The following LRIF1 variants were observed in gnomAD, a reference collection of about 807,000 sequenced individuals.
LRIF1 encodes ligand-dependent nuclear receptor-interacting factor 1.
In LRIF1, 32 loss-of-function variants were observed where a neutral mutation model predicts 52.7. The observed-to-expected ratio is 0.61, with a 90% confidence interval of 0.46 to 0.82. The LOEUF (loss-of-function observed/expected upper bound fraction) is 0.82, where lower values mean the gene tolerates loss of function less well. LRIF1 is among the 40% of genes least tolerant of loss of function. The pLI is 0.00. For missense variants in LRIF1, 887 were observed against 892.0 expected, an observed-to-expected ratio of 0.99 and a Z score of 0.07; for synonymous variants, 323 against 317.4, an observed-to-expected ratio of 1.02 and a Z score of -0.19.
rs1453113017 is a variant in LRIF1, at chr1:110,951,929, T to C, written c.955A>G (p.Lys319Glu). The C allele has an allele frequency of 2.5e-6, 4 of 1,614,014 alleles. No homozygotes were observed. The East Asian group carries it at 6.7e-5, about 27-fold the overall frequency. ...AAATTTTTCCTATCTACAAAAGTTT[T>C]TAAAATCTTTGAAGCCACATTATTT... ...SSNNVASKIL[K>E]TFVDRKNLGD... Residue 319 changes from lysine to glutamate, a missense_variant, in exon 2 of 4, where the codon AAA becomes GAA. By Grantham distance (56) the Lys-to-Glu change is moderately conservative (BLOSUM62 1). Coordinates refer to ENST00000369763, the MANE Select transcript of LRIF1 (RefSeq NM_018372.4).
chr1:110,890,198 C>T, the LRIF1 span, among the ~76,000 whole-genome samples: 1 of 152,130 alleles, frequency 6.6e-6, no homozygotes, highest in Non-Finnish European at 1.5e-5. Context: ...CCCCAACATT[C>T]TGCTTGATAT....
downstream of LRIF1, among the ~76,000 whole-genome samples, chr1:110,945,570 C>T (rs942199024): frequency 1.6e-4 from 25 of 152,106 alleles, no homozygotes; most frequent in Admixed American, 9.8e-4. Flanking sequence ...AGATTACAGG[C>T]ATGCACAACC....
chr1:110,949,356 G>A (rs1262629748), intron 3 of LRIF1, among the ~76,000 whole-genome samples: 1 of 151,458 alleles, frequency 6.6e-6, no homozygotes, highest in Non-Finnish European at 1.5e-5. Flanking sequence ...TTGACCTCGT[G>A]ATCCGCCCGC....
At chr1:110,876,173 T>G in the LRIF1 span, among the ~76,000 whole-genome samples, 2 of 152,230 alleles carry the variant, frequency 1.3e-5, no homozygotes, top group African/African-American at 4.8e-5. Context: ...ATAGGAGCTG[T>G]CGCAACTGTC....
At chr1:110,908,889 C>A in the LRIF1 span, among the ~76,000 whole-genome samples, 2 of 152,144 alleles carry the variant, frequency 1.3e-5, no homozygotes, top group African/African-American at 4.8e-5. Context: ...TTCAGAGAAC[C>A]CCTGTAAGAT....
the LRIF1 span, among the ~76,000 whole-genome samples, chr1:110,911,805 C>T: frequency 1.3e-5 from 2 of 152,108 alleles, no homozygotes; most frequent in East Asian, 1.9e-4. Flanking sequence ...AAAATTAACA[C>T]CCCTTCATAT....
At chr1:110,914,425 A>C in the LRIF1 span, among the ~76,000 whole-genome samples, 1 of 152,344 alleles carries the variant, frequency 6.6e-6, no homozygotes, top group South Asian at 2.1e-4. Context: ...AGGAAATCTA[A>C]ACAGCTAATA....
At chr1:110,918,656 C>T in the LRIF1 span, among the ~76,000 whole-genome samples, 7 of 152,148 alleles carry the variant, frequency 4.6e-5, no homozygotes, top group Admixed American at 4.6e-4. Context: ...AACTCCAAGG[C>T]CAATTTTATG....
intron 1 of LRIF1, among the ~76,000 whole-genome samples, chr1:110,962,379 T>C (rs1327251595): frequency 2.0e-5 from 3 of 152,188 alleles, no homozygotes; most frequent in South Asian, 2.1e-4. Context: ...AATGGTTCTA[T>C]CTTGACAGTT....
the LRIF1 span, among the ~76,000 whole-genome samples, chr1:110,876,743 C>CT: frequency 2.0e-5 from 3 of 152,080 alleles, no homozygotes; most frequent in Admixed American, 2.0e-4. Flanking sequence ...ATGAGAATCC[C>CT]TTAGATCATT....
the LRIF1 span, among the ~76,000 whole-genome samples, chr1:110,886,261 T>C: frequency 6.6e-6 from 1 of 152,186 alleles, no homozygotes; most frequent in Non-Finnish European, 1.5e-5. Flanking sequence ...CATGTCTTTT[T>C]TTCCCCTGGT....
the LRIF1 span, among the ~76,000 whole-genome samples, chr1:110,889,114 T>C: frequency 4.3e-5 from 1 of 23,450 alleles, no homozygotes; most frequent in Non-Finnish European, 2.7e-4. Context: ...GTTAATTTAA[T>C]TTTTTTAAAA....
the LRIF1 span, among the ~76,000 whole-genome samples, chr1:110,885,293 G>A: frequency 6.6e-6 from 1 of 152,238 alleles, no homozygotes; most frequent in Admixed American, 6.5e-5. Flanking sequence ...GCTCACGCCT[G>A]TAATCCCAGC....
At chr1:110,954,436 A>G (rs1658611860) in intron 1 of LRIF1, among the ~76,000 whole-genome samples, 1 of 152,156 alleles carries the variant, frequency 6.6e-6, no homozygotes. Context: ...GCACGCCACC[A>G]AACCCGGCTA....
At position 110,947,629 on chromosome 1, in the gene LRIF1, G is replaced by T; in HGVS notation, c.*330C>A. On this transcript the variant is annotated 3_prime_UTR_variant, in exon 4 of 4. Transcript: ENST00000369763. Reference sequence around the variant, plus strand: ...AGTCACTATCTACTGCTGGAATAATGCCTGAGCAATTTAGGTAAAGATACA... The same window carrying T: ...AGTCACTATCTACTGCTGGAATAATTCCTGAGCAATTTAGGTAAAGATACA... The T allele has an allele frequency of 5.4e-6, 1 of 184,500 alleles. No individual in the cohort carries two copies. The allele number at this position is 184,500 out of a possible 1,614,324, so 11.4% of individuals were successfully genotyped here.
chr1:110,949,999 A>G lies in LRIF1; in HGVS notation c.1721T>C (p.Phe574Ser). Residue 574 changes from phenylalanine (F) to serine (S), a missense_variant, in exon 3 of 4, where the codon TTT (phenylalanine) becomes TCT (serine). Coordinates refer to ENST00000369763, the MANE Select transcript of LRIF1 (RefSeq NM_018372.4). ...CACTCTCAAATCCTTAGTAAGGCCA[A>G]ATATCTTTTTAAATTCAGCATCACT... ...LKSDAEFKKI[F>S]GLTKDLRVCL... 1 of 1,614,138 alleles carries G rather than the reference A, an allele frequency of 6.2e-7. No individual in the cohort carries two copies. Among genetic ancestry groups the G allele is most frequent in the Non-Finnish European group, 8.5e-7 (1 of 1,180,014 alleles).
chr1:110,921,069 A>G, the LRIF1 span, among the ~76,000 whole-genome samples: 1 of 152,204 alleles, frequency 6.6e-6, no homozygotes, highest in African/African-American at 2.4e-5. Context: ...CAAAACCAGA[A>G]TCATGTTTAT....
chr1:110,898,498 C>T, the LRIF1 span, among the ~76,000 whole-genome samples: 1 of 152,024 alleles, frequency 6.6e-6, no homozygotes, highest in African/African-American at 2.4e-5. Context: ...GTGATCCCTC[C>T]TCAGCTGGTC....
chr1:110,942,292 T>C (rs1283662572), downstream of LRIF1: 2 of 152,170 alleles, frequency 1.3e-5, no homozygotes, highest in Admixed American at 6.5e-5. Context: ...TGGAAAGTGA[T>C]AAATGGTATC....
Sources: allele counts gnomAD v4.1 joint callset (sites outside exome capture counted in the v4.1 genomes callset), GRCh38; gene constraint gnomAD v4.1.1; transcripts MANE v1.5; gene names NCBI Gene and HGNC (gene_info 2026-07-23, HGNC 2026-07-21).